The following ADCY9 variants were observed in gnomAD, a reference collection of about 807,000 sequenced individuals.
The protein encoded by ADCY9 is adenylate cyclase type 9.
ADCY9 carries 50 observed loss-of-function variants against 101.5 expected under a neutral mutation model. That is an observed-to-expected ratio of 0.49 (90% CI 0.39 to 0.62). The LOEUF (loss-of-function observed/expected upper bound fraction) is 0.62, where lower values mean the gene tolerates loss of function less well. ADCY9 is among the 20% of genes least tolerant of loss of function. ADCY9 has a pLI of 0.00. For synonymous variants in ADCY9, 905 were observed against 769.3 expected (o/e 1.18, Z -2.92); for missense variants, 1,662 against 1,800.4 (o/e 0.92, Z 1.39).
At chr16:4,017,455 C>A (rs375446689) in intron 2 of ADCY9, among the ~76,000 whole-genome samples, 2 of 149,302 alleles carry the variant, frequency 1.3e-5, no homozygotes, top group South Asian at 2.1e-4. Context: ...ACCAGCCTGA[C>A]CAACATGGTA....
Position 3,966,183 on chromosome 16 carries a change from C to T in ADCY9, c.3654G>A (p.Lys1218=). ...CTCTGTAGTCGAAGTCATAGCCCAT[C>T]TTGCTCAAGACGCGGTAGCTCTCTT... is the stretch of plus-strand genomic sequence containing the variant. The part of the protein sequence containing the change: ...VSEESYRVLS[K]MGYDFDYRGT... The change falls in exon 11 of 11, where the codon AAG becomes AAA. Residue 1218 remains lysine (K), a synonymous_variant. Coordinates refer to ENST00000294016, the MANE Select transcript of ADCY9 (RefSeq NM_001116.4). 6.2e-7 allele frequency: 1 copy of T among 1,614,200 alleles called. No homozygotes were observed. Among genetic ancestry groups the T allele is most frequent in the East Asian group, 2.2e-5 (1 of 44,884 alleles).
Position 4,116,386 on chromosome 16 carries a change from A to C in ADCY9, c.-740T>G, listed in dbSNP as rs1205142657. On this transcript the variant is annotated 5_prime_UTR_variant, in exon 1 of 11. The change abolishes an upstream ATG in the 5' untranslated region. Coordinates refer to ENST00000294016, the MANE Select transcript of ADCY9 (RefSeq NM_001116.4). ...CCGTGTCCCCCGCGGCCGCTGCCTC[A>C]TGTCGGAAGAGCTGCCGCCGCCACC... Among the ~76,000 whole-genome samples, 1 of 144,686 alleles carries C rather than the reference A, an allele frequency of 6.9e-6. No homozygotes were observed. Among genetic ancestry groups the C allele is most frequent in the Non-Finnish European group, 1.5e-5 (1 of 65,428 alleles). 94.9% of individuals were successfully genotyped at this position (144,686 alleles called of 152,430 possible).
At chr16:4,079,725 A>G (rs1375471220) in intron 2 of ADCY9, among the ~76,000 whole-genome samples, 2 of 152,110 alleles carry the variant, frequency 1.3e-5, no homozygotes, top group Non-Finnish European at 2.9e-5. Context: ...ACACCATTAT[A>G]TCTATATATA....
At chr16:4,007,064 C>T (rs1042523335) in intron 3 of ADCY9, among the ~76,000 whole-genome samples, 2 of 152,158 alleles carry the variant, frequency 1.3e-5, no homozygotes, top group Non-Finnish European at 2.9e-5. Context: ...TCATTTATCA[C>T]CAGCTTCTAG....
intron 2 of ADCY9, among the ~76,000 whole-genome samples, chr16:4,069,704 C>T (rs1030129653): frequency 2.6e-5 from 4 of 152,096 alleles, no homozygotes; most frequent in African/African-American, 9.7e-5. Flanking sequence ...TCCCAGGATT[C>T]GGACAGTGTT....
At chr16:4,057,329 G>A (rs1238025734) in intron 2 of ADCY9, among the ~76,000 whole-genome samples, 2 of 151,800 alleles carry the variant, frequency 1.3e-5, no homozygotes, top group Admixed American at 6.6e-5. Flanking sequence ...TTCACATACC[G>A]TACAATTCAT....
chr16:4,114,884 T>G lies in ADCY9; in HGVS notation c.559A>C (p.Thr187Pro). The G allele has an allele frequency of 6.2e-7, 1 of 1,613,672 alleles. No homozygotes were observed. Among genetic ancestry groups the G allele is most frequent in the South Asian group, 1.1e-5 (1 of 91,082 alleles). ...LALTLLVFAL[T>P]LAAQFQVLTP... ...AAGACCTGGAACTGCGCAGCCAGGG[T>G]CAGGGCGAACACCAGCAGGGTGAGA... Residue 187 changes from threonine to proline, a missense_variant, in exon 2 of 11, where the codon ACC (threonine) becomes CCC (proline). Coordinates refer to ENST00000294016, the MANE Select transcript of ADCY9 (RefSeq NM_001116.4). The surrounding 1 kb of genome is among the most constrained non-coding windows in gnomAD (Gnocchi z 4.3).
Position 4,081,080 on chromosome 16 carries a change from C to T in ADCY9, c.1693+32670G>A, listed in dbSNP as rs529498907. Among the ~76,000 whole-genome samples the T allele has an allele frequency of 3.5e-4, 53 of 152,260 alleles. 1 individual carries two copies. Among genetic ancestry groups the T allele is most frequent in the African/African-American group, 1.1e-3 (44 of 41,542 alleles). ...ACCGAGAAATATTTCTAGGTCTGTG[C>T]TTTATGAGAAAGGAAGACGAGCGTG... On this transcript the variant is annotated intron_variant, in intron 2 of 10. Transcript: ENST00000294016.
intron 2 of ADCY9, among the ~76,000 whole-genome samples, chr16:4,057,769 C>A (rs760750273): frequency 1.3e-5 from 2 of 152,096 alleles, no homozygotes; most frequent in Non-Finnish European, 2.9e-5. Flanking sequence ...GGCGTGTTCT[C>A]GATGTGTGAG....
intron 2 of ADCY9, among the ~76,000 whole-genome samples, chr16:4,110,376 CTTTTTTTTT>C (rs1170090126): frequency 7.2e-5 from 8 of 110,774 alleles, no homozygotes; most frequent in African/African-American, 2.5e-4. Flanking sequence ...CTTATACCTA[CTTTTTTTTT>C]TTTTTTTTTT....
chr16:4,067,022 A>G (rs2056804779), intron 2 of ADCY9, among the ~76,000 whole-genome samples: 1 of 152,234 alleles, frequency 6.6e-6, no homozygotes, highest in South Asian at 2.1e-4. Context: ...ATTAGACTGC[A>G]AGTGCTCATC....
rs2056492353 is a variant in ADCY9, at chr16:4,023,488, A to C, written c.1694-15930T>G. Among the ~76,000 whole-genome samples, 4 of 152,340 alleles carry C rather than the reference A, an allele frequency of 2.6e-5. No homozygotes were observed. The South Asian group carries it at 8.3e-4, about 32-fold the overall frequency. ...GGAAGGCACGAGGGATGCAGGGATCAGCATGGAAAGGACGGTCCCAGCATG... is the reference window on the plus strand; with the variant it reads ...GGAAGGCACGAGGGATGCAGGGATCCGCATGGAAAGGACGGTCCCAGCATG... On this transcript the variant is annotated intron_variant, in intron 2 of 10. Coordinates refer to ENST00000294016, the MANE Select transcript of ADCY9 (RefSeq NM_001116.4).
intron 5 of ADCY9, among the ~76,000 whole-genome samples, chr16:3,953,776 T>G (rs1217625486): frequency 1.3e-5 from 2 of 152,208 alleles, no homozygotes; most frequent in Admixed American, 1.3e-4. Flanking sequence ...GAAGCCTGCT[T>G]GAACCGCCGT....
At position 3,966,485 on chromosome 16, in the gene ADCY9, A is replaced by G; in HGVS notation, c.3352T>C (p.Ser1118Pro). 1 of 1,613,996 alleles carries G rather than the reference A, an allele frequency of 6.2e-7. No homozygotes were observed. Among genetic ancestry groups the G allele is most frequent in the Admixed American group, 1.7e-5 (1 of 59,988 alleles). ...KTIGATYMAA[S>P]GLNTAQAQDG... ...TGGGCCTGCGCGGTGTTCAGCCCTG[A>G]CGCCGCCATGTACGTGGCTCCGATG... The change falls in exon 11 of 11, where the codon TCA becomes CCA. Residue 1118 changes from serine (S) to proline (P), a missense_variant. Physicochemically the swap from Ser to Pro is moderately conservative, Grantham distance 74 (BLOSUM62 -1). Coordinates refer to ENST00000294016, the MANE Select transcript of ADCY9 (RefSeq NM_001116.4).
In ADCY9 at chr16:3,966,822, G is replaced by C; in HGVS notation, c.3015C>G (p.Arg1005=). Residue 1005 remains arginine (R), a synonymous_variant, in exon 11 of 11, where the codon CGC becomes CGG. Coordinates refer to ENST00000294016, the MANE Select transcript of ADCY9 (RefSeq NM_001116.4). ...FLNREFEVSY[R]LHYHGDVEAD... ...CTTCCACGTCTCCGTGGTAGTGGAG[G>C]CGGTAGCTGACTTCAAATTCGCGAT... The C allele has an allele frequency of 4.3e-6, 7 of 1,614,240 alleles. No individual in the cohort carries two copies. Among genetic ancestry groups the C allele is most frequent in the Non-Finnish European group, 5.9e-6 (7 of 1,180,048 alleles).
chr16:3,975,005 T>C (rs902033544), intron 9 of ADCY9, among the ~76,000 whole-genome samples: 2 of 151,980 alleles, frequency 1.3e-5, no homozygotes, highest in Non-Finnish European at 2.9e-5. Context: ...GATGGAGGAG[T>C]TCTGGGCCGA....
intron 2 of ADCY9, among the ~76,000 whole-genome samples, chr16:4,091,401 G>A (rs968101324): frequency 6.6e-6 from 1 of 152,102 alleles, no homozygotes; most frequent in Admixed American, 6.5e-5. Flanking sequence ...AAGTGGCAGA[G>A]GTTTGTCAAA....
chr16:4,097,487 T>TATATATATATATATATAC (rs76750792), intron 2 of ADCY9, among the ~76,000 whole-genome samples: 1 of 72,508 alleles, frequency 1.4e-5, no homozygotes, highest in African/African-American at 5.2e-5. Flanking sequence ...TATATATATA[T>TATATATATATATATATAC]ACACACACAC....
In ADCY9 at chr16:3,963,361, G is replaced by C. The variant is rs891054121; in HGVS notation, c.*2414C>G. On this transcript the variant is annotated 3_prime_UTR_variant, in exon 11 of 11. Transcript: ENST00000294016. Reference sequence around the variant, plus strand: ...CGATGTGCTCGCTGCCAACAGACAAGAGATGCACGGCGTTTCCGCTGCAGA... The same window carrying C: ...CGATGTGCTCGCTGCCAACAGACAACAGATGCACGGCGTTTCCGCTGCAGA... The C allele has an allele frequency of 3.9e-4, 154 of 398,916 alleles. No individual in the cohort carries two copies. Among genetic ancestry groups the C allele is most frequent in the African/African-American group, 3.0e-3 (148 of 48,708 alleles). 24.7% of individuals were successfully genotyped at this position (398,916 alleles called of 1,614,324 possible).
Sources: gnomAD v4.1 joint callset for allele counts (sites outside exome capture counted in the v4.1 genomes callset) on GRCh38, gnomAD v4.1.1 for gene constraint, Gnocchi (gnomAD v3.1) non-coding constraint, MANE v1.5 for transcripts, NCBI Gene and HGNC (gene_info 2026-07-23, HGNC 2026-07-21) for gene names.